Variants in PTPN14 observed in about 807,000 individuals in gnomAD.
PTPN14 encodes protein tyrosine phosphatase non-receptor type 14.
A neutral mutation model predicts 126.8 loss-of-function variants in PTPN14; 53 were observed. That is an observed-to-expected ratio of 0.42 (90% CI 0.34 to 0.53). The LOEUF (loss-of-function observed/expected upper bound fraction) is 0.53. Among genes scored for constraint, PTPN14 ranks in the 20% least tolerant of loss-of-function variants. The pLI, the probability that PTPN14 is intolerant of heterozygous loss-of-function variation, is 0.08. For missense variants in PTPN14, 1,257 were observed against 1,552.9 expected, an observed-to-expected ratio of 0.81 and a Z score of 3.20; for synonymous variants, 630 against 599.3, an observed-to-expected ratio of 1.05 and a Z score of -0.75.
chr1:214,373,800 C>T (rs1039189019), intron 15 of PTPN14, among the ~76,000 whole-genome samples: 2 of 152,124 alleles, frequency 1.3e-5, no homozygotes, highest in African/African-American at 4.8e-5. Flanking sequence ...GCTGTCACTG[C>T]TGCTCTGTGG....
At chr1:214,437,048 G>A (rs1659938130) in intron 3 of PTPN14, among the ~76,000 whole-genome samples, 1 of 150,366 alleles carries the variant, frequency 6.7e-6, no homozygotes, top group African/African-American at 2.5e-5. Context: ...TGTACTTCTA[G>A]TTGGTAGTTG....
chr1:214,372,611 A>G, intron 16 of PTPN14, 100 bp downstream of exon 16: 1 of 1,539,222 alleles, frequency 6.5e-7, no homozygotes, highest in Non-Finnish European at 8.9e-7. Flanking sequence ...ACAGCACTGC[A>G]GGAAGAAGGA....
chr1:214,506,356 A>ATTTT, intron 1 of PTPN14, among the ~76,000 whole-genome samples: 1 of 145,012 alleles, frequency 6.9e-6, no homozygotes, highest in African/African-American at 2.8e-5. Flanking sequence ...TTTTTTTTAA[A>ATTTT]ATTTTTTAAA....
chr1:214,460,344 C>T (rs954059158), intron 2 of PTPN14, among the ~76,000 whole-genome samples: 1 of 152,000 alleles, frequency 6.6e-6, no homozygotes, highest in Non-Finnish European at 1.5e-5. Context: ...AAGCAGACTC[C>T]ATCCTGCCCC....
chr1:214,507,751 C>A (rs1654876467), intron 1 of PTPN14, among the ~76,000 whole-genome samples: 1 of 152,138 alleles, frequency 6.6e-6, no homozygotes, highest in African/African-American at 2.4e-5. Context: ...TTTTTGCTTT[C>A]CCAGTGCATA....
rs1657800210 is a variant in PTPN14 at position 214,355,635 on chromosome 1, C to A, written c.*2287G>T. The A allele has an allele frequency of 6.6e-6, 1 of 152,144 alleles. No individual in the cohort carries two copies. The highest frequency in any genetic ancestry group is 2.1e-4 in the South Asian group (1 of 4,818). The allele number at this position is 152,144 out of a possible 1,614,324, so 9.4% of individuals were successfully genotyped here. A position where few individuals can be genotyped will look rare whatever the true frequency, so the allele number is the denominator to read the frequency against. On this transcript the variant is annotated 3_prime_UTR_variant, in exon 19 of 19. Coordinates refer to ENST00000366956, the MANE Select transcript of PTPN14 (RefSeq NM_005401.5). ...AGCCTTCAGACCTTGAAGTAGAAGACACAGGGGAAGCCCTCCATCCCCAGA... is the reference window on the plus strand; with the variant it reads ...AGCCTTCAGACCTTGAAGTAGAAGAAACAGGGGAAGCCCTCCATCCCCAGA...
At chr1:214,439,282 A>G (rs567710283) in intron 3 of PTPN14, among the ~76,000 whole-genome samples, 1 of 152,154 alleles carries the variant, frequency 6.6e-6, no homozygotes, top group Non-Finnish European at 1.5e-5. Context: ...TATTTCAAGG[A>G]TCCAAATTAC....
At chr1:214,489,809 G>C (rs1661192364) in intron 1 of PTPN14, among the ~76,000 whole-genome samples, 1 of 152,150 alleles carries the variant, frequency 6.6e-6, no homozygotes, top group Non-Finnish European at 1.5e-5. Context: ...ATTCTAGGAT[G>C]GTCTCTCTGG....
chr1:214,496,109 C>T (rs947849339), intron 1 of PTPN14, among the ~76,000 whole-genome samples: 4 of 152,158 alleles, frequency 2.6e-5, no homozygotes, highest in African/African-American at 7.2e-5. Flanking sequence ...ATAATTTGCT[C>T]AGTAATTTTC....
At chr1:214,511,756 G>T (rs2102444691) in intron 1 of PTPN14, among the ~76,000 whole-genome samples, 1 of 152,294 alleles carries the variant, frequency 6.6e-6, no homozygotes, top group South Asian at 2.1e-4. Context: ...GCAGGCAAAA[G>T]GTGGAAGCAA....
intron 1 of PTPN14, among the ~76,000 whole-genome samples, chr1:214,534,684 G>C (rs1166235242): frequency 7.1e-6 from 1 of 140,060 alleles, no homozygotes; most frequent in South Asian, 2.4e-4. Context: ...CTGCACTCCA[G>C]CCTGGGCAAC....
At chr1:214,404,297 G>T (rs1473925949) in intron 5 of PTPN14, among the ~76,000 whole-genome samples, 1 of 152,170 alleles carries the variant, frequency 6.6e-6, no homozygotes, top group Non-Finnish European at 1.5e-5. Flanking sequence ...AGCAGACGGG[G>T]AATTATGGCA....
chr1:214,365,940 G>A (rs187442373), intron 17 of PTPN14, among the ~76,000 whole-genome samples: 15 of 152,226 alleles, frequency 9.9e-5, no homozygotes, highest in African/African-American at 2.4e-4. Context: ...TGAGGTGGGC[G>A]GATCACCTGA....
intron 3 of PTPN14, among the ~76,000 whole-genome samples, chr1:214,441,572 C>T (rs546126145): frequency 1.8e-4 from 28 of 152,344 alleles, no homozygotes; most frequent in Admixed American, 2.0e-4. Flanking sequence ...CCTCTTCCAA[C>T]GTCAAGATTT....
intron 13 of PTPN14, among the ~76,000 whole-genome samples, chr1:214,378,990 C>T (rs1034902497): frequency 5.9e-5 from 9 of 152,256 alleles, no homozygotes; most frequent in African/African-American, 1.7e-4. Flanking sequence ...TTGGGCAGGG[C>T]TGGTTTTTAG....
chr1:214,437,628 C>G (rs1276152316), intron 3 of PTPN14, among the ~76,000 whole-genome samples: 2 of 152,188 alleles, frequency 1.3e-5, no homozygotes, highest in Non-Finnish European at 2.9e-5. Context: ...AAAATTGCTA[C>G]AGAAGAACCT....
At chr1:214,505,033 A>G (rs1558133209) in intron 1 of PTPN14, among the ~76,000 whole-genome samples, 1 of 152,120 alleles carries the variant, frequency 6.6e-6, no homozygotes, top group South Asian at 2.1e-4. Context: ...TCTGTCTAAG[A>G]ATTCTCTGTT....
At chr1:214,361,881 T>C (rs1395058074) in intron 18 of PTPN14, among the ~76,000 whole-genome samples, 4 of 152,192 alleles carry the variant, frequency 2.6e-5, no homozygotes, top group Non-Finnish European at 5.9e-5. Context: ...ACCAACCTCA[T>C]TGTAAGTGTC....
At chr1:214,479,449 C>A (rs530529380) in intron 1 of PTPN14, among the ~76,000 whole-genome samples, 1 of 151,482 alleles carries the variant, frequency 6.6e-6, no homozygotes, top group East Asian at 2.0e-4. Context: ...AAACGATTCT[C>A]CTGCCTCAGT....
Sources: gnomAD v4.1 joint callset for allele counts (sites outside exome capture counted in the v4.1 genomes callset) on GRCh38, gnomAD v4.1.1 for gene constraint, MANE v1.5 for transcripts, NCBI Gene and HGNC (gene_info 2026-07-23, HGNC 2026-07-21) for gene names.